The following ADAMTSL1 variants were observed in gnomAD, a reference collection of about 807,000 sequenced individuals.
ADAMTSL1 encodes ADAMTS-like protein 1.
In ADAMTSL1, 126 loss-of-function variants were observed where a neutral mutation model predicts 201.8. The ratio of observed to expected loss-of-function variants is 0.62; its 90% confidence interval spans 0.54 to 0.72. The LOEUF is 0.72. ADAMTSL1 is among the 30% of genes least tolerant of loss of function. ADAMTSL1 has a pLI of 0.00. For missense variants in ADAMTSL1, 2,679 were observed against 2,277.8 expected (o/e 1.18, Z -3.59); for synonymous variants, 1,121 against 903.4 (o/e 1.24, Z -4.32).
At position 17,916,364 on chromosome 9, in the gene ADAMTSL1, A is replaced by G. The variant is rs189653137; in HGVS notation, c.87+9442A>G. ...AATTTATCAAATTGTTTCCTGGACA[A>G]TTGTGATTTTGTTCTTGTTTCTAAT... is the stretch of plus-strand genomic sequence containing the variant. On this transcript the variant is annotated intron_variant, in intron 1 of 29. Transcript: ENST00000680146. Among the ~76,000 whole-genome samples the G allele has an allele frequency of 3.2e-3, 495 of 152,330 alleles. 3 individuals carry two copies. Among genetic ancestry groups the G allele is most frequent in the African/African-American group, 0.011 (469 of 41,578 alleles).
At chr9:18,132,915 C>A (rs10511647) in intron 1 of ADAMTSL1, among the ~76,000 whole-genome samples, 2 of 151,892 alleles carry the variant, frequency 1.3e-5, no homozygotes, top group Non-Finnish European at 2.9e-5. Context: ...AAGAATTTGC[C>A]AAGGATTACG....
chr9:18,109,386 T>C (rs1320688477), intron 1 of ADAMTSL1, among the ~76,000 whole-genome samples: 1 of 152,124 alleles, frequency 6.6e-6, no homozygotes, highest in Non-Finnish European at 1.5e-5. Context: ...GCCCAGGAAG[T>C]AGCTGACTGC....
intron 16 of ADAMTSL1, among the ~76,000 whole-genome samples, chr9:18,765,957 A>C (rs1161008983): frequency 2.0e-5 from 3 of 152,224 alleles, no homozygotes; most frequent in Non-Finnish European, 4.4e-5. Context: ...ACTCAGCCAC[A>C]TGAAGATCTA....
chr9:18,002,735 G>C (rs543383096), intron 1 of ADAMTSL1, among the ~76,000 whole-genome samples: 2 of 152,054 alleles, frequency 1.3e-5, no homozygotes, highest in South Asian at 2.1e-4. Flanking sequence ...GATATTGTTA[G>C]CTCTTTTATT....
At chr9:18,743,175 C>T (rs912851083) in intron 15 of ADAMTSL1, among the ~76,000 whole-genome samples, 1 of 152,132 alleles carries the variant, frequency 6.6e-6, no homozygotes, top group African/African-American at 2.4e-5. Context: ...TTAATTAAAT[C>T]AAGCTCTGTG....
At chr9:18,701,575 C>T (rs141667785) in intron 13 of ADAMTSL1, among the ~76,000 whole-genome samples, 1 of 152,116 alleles carries the variant, frequency 6.6e-6, no homozygotes, top group Non-Finnish European at 1.5e-5. Flanking sequence ...CTTTTCTCAC[C>T]CTACTGTCAT....
intron 2 of ADAMTSL1, among the ~76,000 whole-genome samples, chr9:18,233,062 C>T (rs1269799700): frequency 6.6e-6 from 1 of 152,148 alleles, no homozygotes; most frequent in South Asian, 2.1e-4. Context: ...CGAGGTTCCT[C>T]AAGCACAGAG....
At chr9:18,758,647 C>G (rs1819902937) in intron 16 of ADAMTSL1, among the ~76,000 whole-genome samples, 1 of 152,206 alleles carries the variant, frequency 6.6e-6, no homozygotes, top group Non-Finnish European at 1.5e-5. Flanking sequence ...TCCTGCCTCC[C>G]TCTTCTAAGG....
At chr9:18,009,903 A>T (rs528516773) in intron 1 of ADAMTSL1, among the ~76,000 whole-genome samples, 1 of 152,146 alleles carries the variant, frequency 6.6e-6, no homozygotes, top group East Asian at 1.9e-4. Flanking sequence ...TAATTACATG[A>T]TTTTCCTTCT....
At chr9:18,004,008 A>G (rs762110334) in intron 1 of ADAMTSL1, among the ~76,000 whole-genome samples, 1 of 152,038 alleles carries the variant, frequency 6.6e-6, no homozygotes, top group African/African-American at 2.4e-5. Flanking sequence ...TAGAATGTCA[A>G]TGTTTGGGCA....
chr9:18,424,953 G>C (rs569873007), intron 2 of ADAMTSL1, among the ~76,000 whole-genome samples: 1 of 152,310 alleles, frequency 6.6e-6, no homozygotes, highest in South Asian at 2.1e-4. Context: ...CACCCAGAAA[G>C]TGTTTGAATT....
chr9:18,767,487 G>A (rs1474976861), intron 16 of ADAMTSL1, among the ~76,000 whole-genome samples: 2 of 152,150 alleles, frequency 1.3e-5, no homozygotes, highest in East Asian at 3.8e-4. Context: ...TTGGTTCGAT[G>A]TAAGAATTTG....
At chr9:17,978,277 C>T (rs193049086) in intron 1 of ADAMTSL1, among the ~76,000 whole-genome samples, 1 of 152,014 alleles carries the variant, frequency 6.6e-6, no homozygotes, top group East Asian at 1.9e-4. Flanking sequence ...AAAATTTAAT[C>T]GATTTTCATT....
At chr9:18,352,404 A>C (rs193148546) in intron 2 of ADAMTSL1, among the ~76,000 whole-genome samples, 30 of 152,322 alleles carry the variant, frequency 2.0e-4, no homozygotes, top group African/African-American at 7.2e-4. Flanking sequence ...CATCCTACAG[A>C]TCAGTATCCT....
intron 3 of ADAMTSL1, among the ~76,000 whole-genome samples, chr9:18,549,518 T>C (rs1181456786): frequency 1.3e-5 from 2 of 151,916 alleles, no homozygotes; most frequent in African/African-American, 2.4e-5. Context: ...AGCAAAACAA[T>C]GGTGATCCCC....
At chr9:18,418,477 C>G (rs1482078880) in intron 2 of ADAMTSL1, among the ~76,000 whole-genome samples, 1 of 152,128 alleles carries the variant, frequency 6.6e-6, no homozygotes, top group Non-Finnish European at 1.5e-5. Context: ...CCCAAGGAAT[C>G]TACCAAAAAC....
At chr9:18,843,431 T>A (rs1319205497) in intron 23 of ADAMTSL1, among the ~76,000 whole-genome samples, 8 of 150,994 alleles carry the variant, frequency 5.3e-5, no homozygotes, top group Non-Finnish European at 1.0e-4. Context: ...CTTCCCTTTG[T>A]GGGTAACCCG....
intron 1 of ADAMTSL1, among the ~76,000 whole-genome samples, chr9:18,480,531 C>T (rs1242169576): frequency 3.9e-5 from 6 of 152,172 alleles, no homozygotes; most frequent in Non-Finnish European, 8.8e-5. Flanking sequence ...TGTGAACATT[C>T]ATTTAACCAT....
chr9:17,972,741 T>G (rs979645992), intron 1 of ADAMTSL1, among the ~76,000 whole-genome samples: 2 of 149,880 alleles, frequency 1.3e-5, no homozygotes, highest in Non-Finnish European at 3.0e-5. Context: ...ATTGCCACAC[T>G]GACTTCCACA....
Sources: allele counts gnomAD v4.1 joint callset (sites outside exome capture counted in the v4.1 genomes callset), GRCh38; gene constraint gnomAD v4.1.1; transcripts MANE v1.5; gene names NCBI Gene and HGNC (gene_info 2026-07-23, HGNC 2026-07-21).